The following UTRN variants were observed in gnomAD, a reference collection of about 807,000 sequenced individuals.
UTRN encodes utrophin.
UTRN carries 283 observed loss-of-function variants against 463.9 expected under a neutral mutation model. The ratio of observed to expected loss-of-function variants is 0.61; its 90% CI spans 0.55 to 0.67. The LOEUF is 0.67. Among genes scored for constraint, UTRN ranks in the 30% least tolerant of loss-of-function variants. UTRN has a pLI of 0.00. For missense variants in UTRN, 3,922 were observed against 4,084.3 expected (o/e 0.96, Z 1.08); for synonymous variants, 1,442 against 1,431.5 (o/e 1.01, Z -0.17).
intron 65 of UTRN, among the ~76,000 whole-genome samples, chr6:144,811,191 C>T (rs1353490870): frequency 6.6e-6 from 1 of 151,962 alleles, no homozygotes; most frequent in Non-Finnish European, 1.5e-5. Flanking sequence ...AGAAAAAAAT[C>T]TAGAAGCAGT....
intron 53 of UTRN, among the ~76,000 whole-genome samples, chr6:144,711,332 C>CAAAA (rs147548513): frequency 6.9e-6 from 1 of 145,750 alleles, no homozygotes; most frequent in Non-Finnish European, 1.6e-5. Context: ...AACAAACAAA[C>CAAAA]AAAAAAAAAA....
rs1792194311 is a variant in UTRN at position 144,757,910 on chromosome 6, T to G, written c.8435-19T>G. Reference sequence around the variant, plus strand: ...TTTTGGTTTCCAACGTTTCCAATAATCTCCCTTTGTTTCCTCAGCGTCAGT... The same window carrying G: ...TTTTGGTTTCCAACGTTTCCAATAAGCTCCCTTTGTTTCCTCAGCGTCAGT... On this transcript the variant is annotated intron_variant, in intron 57 of 74. Coordinates refer to ENST00000367545, the MANE Select transcript of UTRN (RefSeq NM_007124.3). The G allele has an allele frequency of 2.5e-6, 4 of 1,601,142 alleles. No homozygotes were observed. The South Asian group carries it at 4.5e-5, about 18-fold the overall frequency.
In UTRN at chr6:144,458,737, T is replaced by C. The variant is rs191137559; in HGVS notation, c.2285-33T>C. On this transcript the variant is annotated intron_variant, in intron 19 of 74. Coordinates refer to ENST00000367545, the MANE Select transcript of UTRN (RefSeq NM_007124.3). ...AATTCAAGACACATTTTGTAATATA[T>C]AGACTGTTTGCTTGTTTTTCATGTC... 7.5e-4 allele frequency: 1,156 copies of C among 1,551,142 alleles called. 6 individuals are homozygous for C. The African/African-American group carries it at 0.015, about 20-fold the overall frequency.
chr6:144,794,482 A>G (rs1777043700), intron 63 of UTRN, among the ~76,000 whole-genome samples: 1 of 152,140 alleles, frequency 6.6e-6, no homozygotes, highest in Non-Finnish European at 1.5e-5. Context: ...TCTTCAGATA[A>G]TGCTGTATTT....
At chr6:144,349,068 A>G (rs988971117) in intron 2 of UTRN, among the ~76,000 whole-genome samples, 35 of 151,552 alleles carry the variant, frequency 2.3e-4, no homozygotes, top group Admixed American at 4.6e-4. Context: ...GGAGCGCGTG[A>G]TGGGATCTCG....
At chr6:144,785,883 C>T (rs1362502842) in intron 61 of UTRN, among the ~76,000 whole-genome samples, 1 of 152,190 alleles carries the variant, frequency 6.6e-6, no homozygotes. Context: ...TCACAATCTT[C>T]CTTCTGGATT....
chr6:144,763,990 G>T (rs1792991221), intron 58 of UTRN, among the ~76,000 whole-genome samples: 1 of 152,188 alleles, frequency 6.6e-6, no homozygotes, highest in Non-Finnish European at 1.5e-5. Flanking sequence ...ACTGGAGCTT[G>T]TGGTTTTGGT....
chr6:144,604,523 C>T (rs1246694816), intron 51 of UTRN, among the ~76,000 whole-genome samples: 1 of 152,126 alleles, frequency 6.6e-6, no homozygotes, highest in Non-Finnish European at 1.5e-5. Context: ...TGTGTTCTTT[C>T]TATCATGAAG....
chr6:144,351,329 C>T (rs749583903), intron 2 of UTRN, among the ~76,000 whole-genome samples: 17 of 152,268 alleles, frequency 1.1e-4, no homozygotes, highest in South Asian at 2.1e-4. Flanking sequence ...AATGAGGCCC[C>T]GTATGCACCA....
chr6:144,656,191 A>G (rs776946154), intron 51 of UTRN, among the ~76,000 whole-genome samples: 28 of 152,192 alleles, frequency 1.8e-4, no homozygotes, highest in Non-Finnish European at 3.4e-4. Context: ...TTATTTGCAC[A>G]TTGGCTTAAA....
chr6:144,328,621 C>T (rs1584297941), intron 2 of UTRN, among the ~76,000 whole-genome samples: 1 of 152,016 alleles, frequency 6.6e-6, no homozygotes, highest in Non-Finnish European at 1.5e-5. Flanking sequence ...TTTCCTTTTA[C>T]AATGAGTAAA....
chr6:144,470,834 G>A (rs1008587128), intron 23 of UTRN, among the ~76,000 whole-genome samples: 10 of 151,998 alleles, frequency 6.6e-5, no homozygotes, highest in Admixed American at 2.0e-4. Flanking sequence ...AGACCAGCCC[G>A]GCCAACACGG....
In UTRN at chr6:144,554,764, T is replaced by C; in HGVS notation, c.7005T>C (p.Ile2335=). The C allele has an allele frequency of 6.2e-7, 1 of 1,613,954 alleles. No individual in the cohort carries two copies. Among genetic ancestry groups the C allele is most frequent in the Non-Finnish European group, 8.5e-7 (1 of 1,179,958 alleles). Residue 2335 remains isoleucine (I), a synonymous_variant, in exon 49 of 75, where the codon ATT becomes ATC. Transcript: ENST00000367545. ...ELRQQQLEDM[I]IDSLQWDDHR... ...GACAGCAGCAGCTTGAGGACATGAT[T>C]ATTGACAGTCTTCAGTGGGATGACC...
intron 33 of UTRN, among the ~76,000 whole-genome samples, chr6:144,497,032 G>T (rs1793714278): frequency 6.6e-6 from 1 of 152,214 alleles, no homozygotes; most frequent in Non-Finnish European, 1.5e-5. Context: ...CATAGAGTTT[G>T]TGTTACAGAT....
At chr6:144,783,592 C>T (rs1026546934) in intron 61 of UTRN, among the ~76,000 whole-genome samples, 3 of 152,132 alleles carry the variant, frequency 2.0e-5, no homozygotes, top group African/African-American at 7.2e-5. Flanking sequence ...CATTCAGAAT[C>T]CTCTGTTCTA....
At chr6:144,542,318 C>CT (rs2128607240) in intron 45 of UTRN, among the ~76,000 whole-genome samples, 1 of 152,210 alleles carries the variant, frequency 6.6e-6, no homozygotes, top group African/African-American at 2.4e-5. Context: ...TTTGGGCAGT[C>CT]TTTAGCCTCT....
chr6:144,650,938 G>A (rs1778760616), intron 51 of UTRN, among the ~76,000 whole-genome samples: 1 of 151,308 alleles, frequency 6.6e-6, no homozygotes, highest in African/African-American at 2.4e-5. Flanking sequence ...AATAATTACT[G>A]GTCATTGATA....
intron 51 of UTRN, among the ~76,000 whole-genome samples, chr6:144,663,954 G>A (rs1259161568): frequency 6.6e-6 from 1 of 152,180 alleles, no homozygotes; most frequent in Non-Finnish European, 1.5e-5. Flanking sequence ...TGTGAAGTAT[G>A]TACCAGGTGC....
intron 41 of UTRN, among the ~76,000 whole-genome samples, chr6:144,529,396 T>C (rs1473080907): frequency 6.6e-6 from 1 of 152,186 alleles, no homozygotes; most frequent in East Asian, 1.9e-4. Context: ...GGAACAAAAG[T>C]CCACTATGTG....
Sources: allele counts gnomAD v4.1 joint callset (sites outside exome capture counted in the v4.1 genomes callset), GRCh38; gene constraint gnomAD v4.1.1; transcripts MANE v1.5; gene names NCBI Gene and HGNC (gene_info 2026-07-23, HGNC 2026-07-21).